The following RASSF3 variants were observed in gnomAD, a reference collection of about 807,000 sequenced individuals.
The protein encoded by RASSF3 is Ras association domain family member 3, also known as ras association domain-containing protein 3.
RASSF3 carries 19 observed loss-of-function variants against 19.9 expected under a neutral mutation model. The observed-to-expected ratio is 0.96, with a 90% CI of 0.67 to 1.40. RASSF3 has a LOEUF of 1.40. Among genes scored for constraint, RASSF3 ranks in the 40% most tolerant of loss-of-function variants. The pLI is 0.00. For synonymous variants in RASSF3, 110 were observed against 104.2 expected (o/e 1.06, Z -0.34); for missense variants, 306 against 289.8 (o/e 1.06, Z -0.41).
chr12:64,583,071 G>A (rs188664562), intron 2 of RASSF3, among the ~76,000 whole-genome samples: 6 of 151,902 alleles, frequency 3.9e-5, no homozygotes, highest in African/African-American at 7.3e-5. Context: ...TCTCTCCCCT[G>A]GAGAGATCTC....
intron 1 of RASSF3, among the ~76,000 whole-genome samples, chr12:64,674,444 A>C (rs1260239515): frequency 6.6e-6 from 1 of 152,160 alleles, no homozygotes; most frequent in African/African-American, 2.4e-5. Context: ...AGCCAGGCAC[A>C]GTGGCTTATG....
rs376715855 is a variant in RASSF3 at position 64,688,907 on chromosome 12, A to T, written c.457+454A>T. Among the ~76,000 whole-genome samples, 88 of 152,344 alleles carry T rather than the reference A, an allele frequency of 5.8e-4. 2 individuals carry two copies. The South Asian group carries it at 0.018, about 31-fold the overall frequency. ...GACTGGGGAGGCACATGTGCATCAC[A>T]GCACATTTCAGCGTACTGATGGAAA... On this transcript the variant is annotated intron_variant, in intron 3 of 4. Transcript: ENST00000542104.
chr12:64,604,128 T>TC (rs1870142652), intron 2 of RASSF3, among the ~76,000 whole-genome samples: 1 of 150,036 alleles, frequency 6.7e-6, no homozygotes, highest in South Asian at 2.1e-4. Context: ...TTACAGGTTT[T>TC]CTTTTTTTTT....
At chr12:64,690,477 G>A (rs11175516) in intron 3 of RASSF3, among the ~76,000 whole-genome samples, 7,614 of 152,068 alleles carry the variant, frequency 0.05, 669 homozygotes, top group African/African-American at 0.18. Context: ...GAGCCACCAC[G>A]CCTGGCCTTG....
chr12:64,528,115 T>TA (rs1297140690), intron 1 of RASSF3, among the ~76,000 whole-genome samples: 2 of 151,240 alleles, frequency 1.3e-5, no homozygotes, highest in Non-Finnish European at 3.0e-5. Context: ...CACAAAATGT[T>TA]AAAAAAAATT....
At chr12:64,670,563 TG>T (rs1416611442) in intron 1 of RASSF3, among the ~76,000 whole-genome samples, 1 of 119,848 alleles carries the variant, frequency 8.3e-6, no homozygotes, top group African/African-American at 2.9e-5. Flanking sequence ...TTTTTTTTTG[TG>T]GGGGGGATCT....
chr12:64,541,149 C>A (rs1047230341), intron 1 of RASSF3, among the ~76,000 whole-genome samples: 3 of 150,292 alleles, frequency 2.0e-5, no homozygotes. Flanking sequence ...CCACATCTGG[C>A]TGATTTTTGT....
intron 2 of RASSF3, among the ~76,000 whole-genome samples, chr12:64,686,166 G>A (rs1398076889): frequency 6.6e-6 from 1 of 151,644 alleles, no homozygotes; most frequent in Non-Finnish European, 1.5e-5. Context: ...CATCAAAGGA[G>A]AAATCCACTT....
chr12:64,690,978 G>A (rs964931958), intron 3 of RASSF3, among the ~76,000 whole-genome samples: 16 of 151,634 alleles, frequency 1.1e-4, no homozygotes, highest in Admixed American at 2.0e-4. Flanking sequence ...CTCCTGCCTC[G>A]GCCTCCCAAG....
intron 1 of RASSF3, 33 bp downstream of exon 1, chr12:64,610,776 G>T: frequency 6.8e-7 from 1 of 1,460,114 alleles, no homozygotes; most frequent in South Asian, 1.2e-5. Flanking sequence ...TGCAGCCCGC[G>T]CCCCAGAGTT....
rs1363604684 is a variant in RASSF3 at position 64,688,429 on chromosome 12, A to G, written c.433A>G (p.Lys145Glu). The G allele has an allele frequency of 3.7e-6, 6 of 1,613,912 alleles. No individual in the cohort carries two copies. The highest frequency in any genetic ancestry group is 5.1e-6 in the Non-Finnish European group (6 of 1,179,892). The change falls in exon 3 of 5, where the codon AAG becomes GAG. Residue 145 changes from lysine to glutamate, a missense_variant. Coordinates refer to ENST00000542104, the MANE Select transcript of RASSF3 (RefSeq NM_178169.4). The part of the protein sequence containing the change: ...TESPAKFALY[K>E]RCHREDQVYA... The stretch of plus-strand genomic sequence containing the variant: ...GAGCCCTGCCAAGTTTGCACTTTAT[A>G]AGCGTTGTCACAGGGAAGACCAAGG...
At chr12:64,560,798 G>A (rs1869333910) in intron 2 of RASSF3, among the ~76,000 whole-genome samples, 1 of 152,184 alleles carries the variant, frequency 6.6e-6, no homozygotes, top group South Asian at 2.1e-4. Context: ...TAAAGGAGAG[G>A]AGCCGAAATA....
intron 1 of RASSF3, among the ~76,000 whole-genome samples, chr12:64,647,312 G>T (rs542946617): frequency 6.6e-6 from 1 of 151,770 alleles, no homozygotes; most frequent in Non-Finnish European, 1.5e-5. Flanking sequence ...GCCGTGGCAC[G>T]ATCATGGCTC....
chr12:64,680,616 TTTTG>T (rs1182646661), intron 1 of RASSF3, among the ~76,000 whole-genome samples: 2 of 152,038 alleles, frequency 1.3e-5, no homozygotes, highest in Non-Finnish European at 2.9e-5. Flanking sequence ...CTTTGTTTTT[TTTTG>T]TTTTTGTTTT....
At chr12:64,626,978 C>T (rs1251210613) in intron 1 of RASSF3, among the ~76,000 whole-genome samples, 2 of 152,198 alleles carry the variant, frequency 1.3e-5, no homozygotes, top group East Asian at 3.8e-4. Context: ...CTGTTATTTA[C>T]TAGCTCTGGG....
At chr12:64,596,109 G>A (rs1869995613) in intron 2 of RASSF3, among the ~76,000 whole-genome samples, 1 of 152,188 alleles carries the variant, frequency 6.6e-6, no homozygotes, top group Non-Finnish European at 1.5e-5. Context: ...GCCTTGCTGG[G>A]TTTCCCCACT....
chr12:64,637,071 A>T (rs187605638), intron 1 of RASSF3, among the ~76,000 whole-genome samples: 47 of 152,290 alleles, frequency 3.1e-4, no homozygotes, highest in African/African-American at 1.1e-3. Context: ...CAATTTGCAA[A>T]CAGTAACAGC....
In RASSF3 at chr12:64,688,402, G is replaced by C. The variant is rs1242247302; in HGVS notation, c.406G>C (p.Glu136Gln). Residue 136 changes from glutamate to glutamine, a missense_variant, in exon 3 of 5, where the codon GAG becomes CAG. Physicochemically the swap from Glu to Gln is conservative, Grantham distance 29. Coordinates refer to ENST00000542104, the MANE Select transcript of RASSF3 (RefSeq NM_178169.4). The part of the protein sequence containing the change: ...EALLKKFLVT[E>Q]SPAKFALYKR... ...CCTGCTCAAAAAGTTTCTCGTGACT[G>C]AGAGCCCTGCCAAGTTTGCACTTTA... 1 of 1,614,182 alleles carries C rather than the reference G, an allele frequency of 6.2e-7. No homozygotes were observed. Among genetic ancestry groups the C allele is most frequent in the East Asian group, 2.2e-5 (1 of 44,872 alleles).
chr12:64,540,498 G>A (rs1245294667), intron 1 of RASSF3, among the ~76,000 whole-genome samples: 1 of 152,130 alleles, frequency 6.6e-6, no homozygotes, highest in East Asian at 1.9e-4. Flanking sequence ...GTCCATGAAT[G>A]TTTGGCTATT....
Sources: allele counts gnomAD v4.1 joint callset (sites outside exome capture counted in the v4.1 genomes callset), GRCh38; gene constraint gnomAD v4.1.1; transcripts MANE v1.5; gene names NCBI Gene and HGNC (gene_info 2026-07-23, HGNC 2026-07-21).